The following CELF3 variants were observed in gnomAD, a reference collection of about 807,000 sequenced individuals.
CELF3 encodes CAG repeat domain.
CELF3 carries 26 observed loss-of-function variants against 59.6 expected under a neutral mutation model. The ratio of observed to expected loss-of-function variants is 0.44; its 90% CI spans 0.32 to 0.61. CELF3 has a LOEUF of 0.61. Among genes scored for constraint, CELF3 ranks in the 20% least tolerant of loss-of-function variants. The pLI is 0.06. For missense variants in CELF3, 387 were observed against 627.2 expected (o/e 0.62, Z 4.09); for synonymous variants, 245 against 250.7 (o/e 0.98, Z 0.22).
At position 151,715,839 on chromosome 1, in the gene CELF3, C is replaced by T. The variant is rs756344382; in HGVS notation, c.145+37G>A. On this transcript the variant is annotated intron_variant, in intron 1 of 12. Coordinates refer to ENST00000290583, the MANE Select transcript of CELF3 (RefSeq NM_007185.7). ...GCTTAACTTCCCCCAGCCTCCCAGC[C>T]CACCCCGAAGCCTCTTCAGCCTGCC... 6.9e-6 allele frequency: 11 copies of T among 1,600,432 alleles called. 1 individual carries two copies. In the South Asian group the frequency reaches 1.1e-4, roughly 16 times the overall value.
intron 6 of CELF3, 62 bp from the exon 7 acceptor site, chr1:151,707,710 G>T: frequency 6.3e-7 from 1 of 1,599,012 alleles, no homozygotes. Context: ...CTCCCTCCCA[G>T]CCCGGGGCCT....
chr1:151,714,064 G>A (rs1477136626), intron 2 of CELF3, among the ~76,000 whole-genome samples: 2 of 152,174 alleles, frequency 1.3e-5, no homozygotes, highest in African/African-American at 4.8e-5. Flanking sequence ...GCTCTACCCT[G>A]ATGCTCTGTG....
chr1:151,712,912 C>A (rs1324990444), intron 2 of CELF3, among the ~76,000 whole-genome samples: 1 of 152,122 alleles, frequency 6.6e-6, no homozygotes, highest in East Asian at 1.9e-4. Flanking sequence ...TGCATGCACA[C>A]ACACTCATGC....
chr1:151,715,519 C>G (rs888460660), intron 1 of CELF3: 2 of 861,374 alleles, frequency 2.3e-6, no homozygotes, highest in African/African-American at 1.7e-5. Context: ...TCTTGCTGCA[C>G]ACGCACACAC....
intron 2 of CELF3, chr1:151,710,894 GAGA>G (rs1264218046): frequency 8.8e-6 from 4 of 454,598 alleles, no homozygotes; most frequent in Middle Eastern, 3.3e-4. Flanking sequence ...GGAGAAAGAG[GAGA>G]AGGACTTAGT....
intron 9 of CELF3, 141 bp downstream of exon 9, chr1:151,706,528 C>A (rs1558099467): frequency 1.7e-6 from 2 of 1,184,838 alleles, no homozygotes; most frequent in Non-Finnish European, 2.4e-6. Flanking sequence ...CCTTAAAGAC[C>A]CCTCCCCACA....
chr1:151,715,787 T>C, intron 1 of CELF3, 89 bp downstream of exon 1: 2 of 1,593,080 alleles, frequency 1.3e-6, no homozygotes, highest in Non-Finnish European at 1.7e-6. Context: ...CATCAGCCCT[T>C]CCCAGCCGCT....
intron 9 of CELF3, 28 bp from the exon 10 acceptor site, chr1:151,706,389 TG>T (rs769097783): frequency 6.5e-7 from 1 of 1,527,180 alleles, no homozygotes; most frequent in Non-Finnish European, 8.8e-7. Flanking sequence ...GAGAGGCTGA[TG>T]GGGCTTCCCT....
Position 151,700,537 on chromosome 1 carries a change from G to A in CELF3, c.*2922C>T, listed in dbSNP as rs1317709009. Among the ~76,000 whole-genome samples the A allele has an allele frequency of 1.3e-5, 2 of 152,138 alleles. No homozygotes were observed. The highest frequency in any genetic ancestry group is 6.6e-5 in the Admixed American group (1 of 15,264). ...AGAGCCTTGAATGCCAGGCTGAGGTGTTCTATGAAAAACAACAAAAAACAG... is the reference window on the plus strand; with the variant it reads ...AGAGCCTTGAATGCCAGGCTGAGGTATTCTATGAAAAACAACAAAAAACAG... On this transcript the variant is annotated 3_prime_UTR_variant, in exon 13 of 13. Transcript: ENST00000290583.
rs1673452306 is a variant in CELF3, at chr1:151,716,024, G to A, written c.-4C>T. 2 of 1,609,490 alleles carry A rather than the reference G, an allele frequency of 1.2e-6. No homozygotes were observed. The highest frequency in any genetic ancestry group is 4.5e-5 in the East Asian group (2 of 44,842). Reference sequence around the variant, plus strand: ...TGATGGCATCCGGCTCCTTCATTGAGGCGGCCCAGGAGGAGGGGCCGAGGG... The same window carrying A: ...TGATGGCATCCGGCTCCTTCATTGAAGCGGCCCAGGAGGAGGGGCCGAGGG... On this transcript the variant is annotated 5_prime_UTR_variant, in exon 1 of 13. Transcript: ENST00000290583.
rs922659240 is a variant in CELF3, at chr1:151,702,297, C to G, written c.*1162G>C. ...TGCTCAAAAGCAAGGGCCCGGCCTT[C>G]CCTGATGGGATTTTCTCTCTCAAAC... is the stretch of plus-strand genomic sequence containing the variant. On this transcript the variant is annotated 3_prime_UTR_variant, in exon 13 of 13. Transcript: ENST00000290583. 1.3e-5 allele frequency: 2 copies of G among 152,212 alleles called. No individual in the cohort carries two copies. The highest frequency in any genetic ancestry group is 1.3e-4 in the Admixed American group (2 of 15,290). 9.4% of individuals were successfully genotyped at this position (152,212 alleles called of 1,614,324 possible). A position where few individuals can be genotyped will look rare whatever the true frequency, so the allele number is the denominator to read the frequency against.
intron 5 of CELF3, among the ~76,000 whole-genome samples, chr1:151,708,730 T>G (rs1444814955): frequency 4.4e-4 from 43 of 97,748 alleles, no homozygotes; most frequent in African/African-American, 4.1e-4. Flanking sequence ...GAGACGGGGG[T>G]GAAGGGAGGG....
In CELF3 at chr1:151,715,994, C is replaced by G; in HGVS notation, c.27G>C (p.Leu9=). Residue 9 remains leucine (L), a synonymous_variant, in exon 1 of 13, where the codon CTG becomes CTC. Transcript: ENST00000290583. MKEPDAIK[L]FVGQIPRHLE... ...GATGCCTCGGGATCTGCCCCACAAA[C>G]AGCTTGATGGCATCCGGCTCCTTCA... 1 of 1,613,848 alleles carries G rather than the reference C, an allele frequency of 6.2e-7. No individual in the cohort carries two copies. Among genetic ancestry groups the G allele is most frequent in the Non-Finnish European group, 8.5e-7 (1 of 1,179,818 alleles).
Position 151,705,849 on chromosome 1 carries a change from G to C in CELF3, c.1243C>G (p.Arg415Gly). The change falls in exon 11 of 13, where the codon CGA (arginine) becomes GGA (glycine). Residue 415 changes from arginine (R) to glycine (G), a missense_variant. Arg to Gly is a moderately radical substitution (Grantham distance 125). Around this residue, in one of 3 missense-constraint regions of CELF3, gnomAD observed 48 missense variants for 118.8 expected, o/e 0.40. Transcript: ENST00000290583. This position sits in a 1 kb window ranked among gnomAD's most constrained non-coding sequence, Gnocchi z 5.1. ...AAACATTTGCTTTGATTGGTGGCTC[G>C]GTCAACAAAGACTTTGGCTGAGATG... ...HVISAKVFVD[R>G]ATNQSKCFGF... 6.2e-7 allele frequency: 1 copy of C among 1,614,076 alleles called. No homozygotes were observed. Among genetic ancestry groups the C allele is most frequent in the Non-Finnish European group, 8.5e-7 (1 of 1,180,010 alleles).
chr1:151,702,918 G>T lies in CELF3; in HGVS notation c.*541C>A. 1 of 307,104 alleles carries T rather than the reference G, an allele frequency of 3.3e-6. No homozygotes were observed. Among genetic ancestry groups the T allele is most frequent in the Non-Finnish European group, 6.6e-6 (1 of 152,614 alleles). The allele number at this position is 307,104 out of a possible 1,614,324, so 19.0% of individuals were successfully genotyped here. A position where few individuals can be genotyped will look rare whatever the true frequency, so the allele number is the denominator to read the frequency against. ...CACACCCTCCTTAGAGGGGGCCCTT[G>T]GGGGAGGCAGTGAGTTTTAGGGCTG... On this transcript the variant is annotated 3_prime_UTR_variant, in exon 13 of 13. Coordinates refer to ENST00000290583, the MANE Select transcript of CELF3 (RefSeq NM_007185.7).
chr1:151,703,812 A>G (rs1304474700), intron 12 of CELF3, among the ~76,000 whole-genome samples: 1 of 152,170 alleles, frequency 6.6e-6, no homozygotes, highest in East Asian at 1.9e-4. Flanking sequence ...TGTAAGAGAC[A>G]GACACCTGGA....
chr1:151,715,537 C>T, intron 1 of CELF3: 1 of 1,093,966 alleles, frequency 9.1e-7, no homozygotes, highest in Non-Finnish European at 1.2e-6. Flanking sequence ...CACACACACA[C>T]CCCTACCCAG....
intron 2 of CELF3, 141 bp downstream of exon 2, chr1:151,714,453 G>A: frequency 1.4e-6 from 1 of 723,014 alleles, no homozygotes; most frequent in Non-Finnish European, 2.5e-6. Flanking sequence ...CAGCAAGAAA[G>A]ATGGATGCTA....
rs930445535 is a variant in CELF3 at position 151,716,144 on chromosome 1, C to T, written c.-124G>A. ...CAGCTGGGGCTGGCTTTCCCTTTGGCCCCCAACCACGCTGCTAAGCAGAGG... is the reference window on the plus strand; with the variant it reads ...CAGCTGGGGCTGGCTTTCCCTTTGGTCCCCAACCACGCTGCTAAGCAGAGG... On this transcript the variant is annotated 5_prime_UTR_variant, in exon 1 of 13. Transcript: ENST00000290583. 2.1e-5 allele frequency: 20 copies of T among 970,458 alleles called. No homozygotes were observed. In the African/African-American group the frequency reaches 3.3e-4, roughly 16 times the overall value. The allele number at this position is 970,458 out of a possible 1,614,324, so 60.1% of individuals were successfully genotyped here.
Sources: gnomAD v4.1 joint callset for allele counts (sites outside exome capture counted in the v4.1 genomes callset) on GRCh38, gnomAD v4.1.1 for gene constraint, gnomAD v4.1.1 regional missense constraint, Gnocchi (gnomAD v3.1) non-coding constraint, MANE v1.5 for transcripts, NCBI Gene and HGNC (gene_info 2026-07-23, HGNC 2026-07-21) for gene names.